GLIS3: variants seen among roughly 807,000 people sequenced by gnomAD.
GLIS3 encodes the protein GLIS family zinc finger 3, also known as zinc finger protein GLIS3.
A neutral mutation model predicts 78.6 loss-of-function variants in GLIS3; 53 were observed. The observed-to-expected ratio is 0.67, with a 90% CI of 0.54 to 0.85. GLIS3 has a LOEUF of 0.85. Among genes scored for constraint, GLIS3 ranks in the 40% least tolerant of loss-of-function variants. GLIS3 has a pLI of 0.00. For missense variants in GLIS3, 1,703 were observed against 1,231.1 expected (o/e 1.38, Z -5.74); for synonymous variants, 684 against 509.9 (o/e 1.34, Z -4.60).
chr9:3,905,148 C>CTTTTTTTTTTT (rs35197736), intron 6 of GLIS3, among the ~76,000 whole-genome samples: 1 of 136,206 alleles, frequency 7.3e-6, no homozygotes, highest in African/African-American at 2.8e-5. Flanking sequence ...AAATTTTTTT[C>CTTTTTTTTTTT]TTTTTTTTTT....
intron 2 of GLIS3, among the ~76,000 whole-genome samples, chr9:4,169,733 GA>G: frequency 6.6e-6 from 1 of 152,004 alleles, no homozygotes; most frequent in Admixed American, 6.5e-5. Flanking sequence ...AATCGTTCAG[GA>G]AAAAAACACA....
At chr9:4,126,866 T>C (rs531112994) in intron 2 of GLIS3, among the ~76,000 whole-genome samples, 4 of 152,328 alleles carry the variant, frequency 2.6e-5, no homozygotes, top group South Asian at 4.1e-4. Flanking sequence ...ACGATCTCAA[T>C]CTTTAACAAA....
chr9:4,389,137 T>G, the GLIS3 span, among the ~76,000 whole-genome samples: 2 of 152,212 alleles, frequency 1.3e-5, no homozygotes, highest in African/African-American at 4.8e-5. Flanking sequence ...GTGCATTAAC[T>G]GACTGAATCA....
chr9:4,278,429 C>T (rs566665995), intron 2 of GLIS3, among the ~76,000 whole-genome samples: 2 of 152,132 alleles, frequency 1.3e-5, no homozygotes, highest in Admixed American at 6.5e-5. Context: ...TTAATGGGAA[C>T]ATGTCATAAA....
chr9:4,408,545 G>A, the GLIS3 span, among the ~76,000 whole-genome samples: 23 of 151,630 alleles, frequency 1.5e-4, no homozygotes, highest in African/African-American at 2.9e-4. Context: ...TGGCTAACAC[G>A]GTGAAATCCC....
intron 4 of GLIS3, among the ~76,000 whole-genome samples, chr9:4,052,150 C>T (rs957078614): frequency 6.6e-6 from 1 of 152,158 alleles, no homozygotes; most frequent in African/African-American, 2.4e-5. Context: ...CCATGAAAGC[C>T]TTCTTTCAGA....
the GLIS3 span, among the ~76,000 whole-genome samples, chr9:4,456,357 A>G: frequency 1.3e-5 from 2 of 152,194 alleles, no homozygotes; most frequent in South Asian, 4.1e-4. Flanking sequence ...AAATAAAACA[A>G]CAATGAAGTT....
intron 4 of GLIS3, among the ~76,000 whole-genome samples, chr9:4,041,299 A>G (rs899282447): frequency 6.6e-6 from 1 of 152,202 alleles, no homozygotes; most frequent in African/African-American, 2.4e-5. Context: ...CCAACTAGGG[A>G]TAAGGGAAAC....
chr9:4,217,950 T>A (rs1563774074), intron 2 of GLIS3, among the ~76,000 whole-genome samples: 1 of 152,266 alleles, frequency 6.6e-6, no homozygotes, highest in Non-Finnish European at 1.5e-5. Context: ...ATTTAGCATC[T>A]GCTGTGAGAT....
intron 8 of GLIS3, among the ~76,000 whole-genome samples, chr9:3,856,651 G>A (rs929013698): frequency 2.0e-5 from 3 of 152,218 alleles, no homozygotes; most frequent in Non-Finnish European, 4.4e-5. Context: ...GTTGTTACAA[G>A]TCTTTATTAT....
chr9:3,927,838 C>G (rs553715443), intron 6 of GLIS3, among the ~76,000 whole-genome samples: 21 of 152,362 alleles, frequency 1.4e-4, no homozygotes, highest in Non-Finnish European at 2.6e-4. Context: ...CAACTGGTTT[C>G]AAATCCAAAT....
intron 2 of GLIS3, among the ~76,000 whole-genome samples, chr9:4,223,468 T>C (rs1821505996): frequency 6.6e-6 from 1 of 152,344 alleles, no homozygotes; most frequent in Non-Finnish European, 1.5e-5. Context: ...GTTTCTCTAA[T>C]ATTTCTCAAG....
chr9:3,828,424 C>G lies in GLIS3; in HGVS notation c.2657-16G>C, dbSNP rs771319961. The G allele has an allele frequency of 8.1e-6, 13 of 1,612,122 alleles. No individual in the cohort carries two copies. In the Middle Eastern group the frequency reaches 8.1e-4, roughly 101 times the overall value. On this transcript the variant is annotated splice_polypyrimidine_tract_variant and intron_variant, in intron 10 of 10. Transcript: ENST00000381971. The stretch of plus-strand genomic sequence containing the variant: ...AAATCATACACTGGAAGAGAAAGAA[C>G]GCAGTTAAGTCAGTAACTCCTGCCC...
At chr9:4,202,154 T>TTTC (rs1554618446) in intron 2 of GLIS3, among the ~76,000 whole-genome samples, 4 of 144,808 alleles carry the variant, frequency 2.8e-5, no homozygotes, top group Admixed American at 2.7e-4. Flanking sequence ...CCCTTTTTCT[T>TTTC]TTTTTTTTTT....
chr9:4,163,469 G>A (rs1383132025), intron 2 of GLIS3, among the ~76,000 whole-genome samples: 1 of 152,230 alleles, frequency 6.6e-6, no homozygotes, highest in East Asian at 1.9e-4. Flanking sequence ...TGACCAAACT[G>A]AGACGAAGTC....
At chr9:4,128,079 G>C (rs534114666) in intron 2 of GLIS3, among the ~76,000 whole-genome samples, 2 of 152,320 alleles carry the variant, frequency 1.3e-5, no homozygotes, top group African/African-American at 2.4e-5. Context: ...GCACACCTTA[G>C]AGCCAATACA....
intron 4 of GLIS3, among the ~76,000 whole-genome samples, chr9:3,950,693 T>A (rs1010714699): frequency 6.6e-6 from 1 of 152,252 alleles, no homozygotes; most frequent in African/African-American, 2.4e-5. Context: ...CCTTATAGCA[T>A]CCTCATGGAA....
At chr9:3,985,397 C>T (rs1189096728) in intron 4 of GLIS3, among the ~76,000 whole-genome samples, 1 of 152,206 alleles carries the variant, frequency 6.6e-6, no homozygotes, top group Non-Finnish European at 1.5e-5. Context: ...ATGTGCCTGC[C>T]TCAGCCTCCC....
chr9:4,449,851 T>G, the GLIS3 span, among the ~76,000 whole-genome samples: 1 of 152,228 alleles, frequency 6.6e-6, no homozygotes, highest in Admixed American at 6.5e-5. Flanking sequence ...GTCACCAGCA[T>G]CAAGGACCAA....
Sources: gnomAD v4.1 joint callset for allele counts (sites outside exome capture counted in the v4.1 genomes callset) on GRCh38, gnomAD v4.1.1 for gene constraint, MANE v1.5 for transcripts, NCBI Gene and HGNC (gene_info 2026-07-23, HGNC 2026-07-21) for gene names.